Variants in CDH12 observed in about 807,000 individuals in gnomAD.
The protein encoded by CDH12 is cadherin 12.
In CDH12, 41 loss-of-function variants were observed where a neutral mutation model predicts 74.1. The observed-to-expected ratio is 0.55, with a 90% CI of 0.43 to 0.72. CDH12 has a LOEUF of 0.72. Among genes scored for constraint, CDH12 ranks in the 30% least tolerant of loss-of-function variants. The pLI is 0.00. For missense variants in CDH12, 945 were observed against 977.2 expected, an observed-to-expected ratio of 0.97 and a Z score of 0.44; for synonymous variants, 399 against 355.0, an observed-to-expected ratio of 1.12 and a Z score of -1.39.
chr5:22,308,657 C>T (rs1471969874), intron 3 of CDH12, among the ~76,000 whole-genome samples: 1 of 152,048 alleles, frequency 6.6e-6, no homozygotes, highest in Non-Finnish European at 1.5e-5. Context: ...AGAGATAATT[C>T]AGGATAATCT....
chr5:22,406,832 T>A (rs1466756379), intron 2 of CDH12, among the ~76,000 whole-genome samples: 1 of 152,064 alleles, frequency 6.6e-6, no homozygotes, highest in Non-Finnish European at 1.5e-5. Context: ...ACAATATGCA[T>A]CACAGTTGAA....
At chr5:21,918,485 A>G (rs1754202615) in intron 6 of CDH12, among the ~76,000 whole-genome samples, 1 of 152,120 alleles carries the variant, frequency 6.6e-6, no homozygotes, top group Non-Finnish European at 1.5e-5. Context: ...ATTGACTCAC[A>G]GTTCAGCACA....
At chr5:22,245,285 CA>C (rs1752907259) in intron 3 of CDH12, among the ~76,000 whole-genome samples, 1 of 151,858 alleles carries the variant, frequency 6.6e-6, no homozygotes, top group East Asian at 1.9e-4. Flanking sequence ...GAACATTTTT[CA>C]AATAAAAGAT....
chr5:22,232,112 A>G (rs1344447222), intron 3 of CDH12, among the ~76,000 whole-genome samples: 1 of 151,794 alleles, frequency 6.6e-6, no homozygotes, highest in Non-Finnish European at 1.5e-5. Flanking sequence ...CATTTCATAT[A>G]TAAGTTTCTA....
intron 1 of CDH12, among the ~76,000 whole-genome samples, chr5:22,786,402 T>C (rs1747627288): frequency 6.6e-6 from 1 of 152,154 alleles, no homozygotes; most frequent in East Asian, 1.9e-4. Flanking sequence ...CTTTGTGGGG[T>C]TGGCCCTTGG....
chr5:22,562,599 T>C (rs905088909), intron 1 of CDH12, among the ~76,000 whole-genome samples: 43 of 151,900 alleles, frequency 2.8e-4, no homozygotes, highest in African/African-American at 8.7e-4. Context: ...TTTTTTTTCT[T>C]ATGAAAATAA....
intron 5 of CDH12, among the ~76,000 whole-genome samples, chr5:21,980,253 T>A (rs1158387172): frequency 6.6e-6 from 1 of 151,966 alleles, no homozygotes; most frequent in Non-Finnish European, 1.5e-5. Context: ...CTGCTTAATA[T>A]AAAATATGCA....
chr5:22,063,863 A>G (rs1161647804), intron 5 of CDH12, among the ~76,000 whole-genome samples: 4 of 151,680 alleles, frequency 2.6e-5, no homozygotes, highest in Admixed American at 6.6e-5. Flanking sequence ...GGGGTTTGGA[A>G]CTCTCTCTGA....
At chr5:22,515,823 TA>T (rs1736786341) in intron 1 of CDH12, among the ~76,000 whole-genome samples, 1 of 152,068 alleles carries the variant, frequency 6.6e-6, no homozygotes, top group Non-Finnish European at 1.5e-5. Context: ...TATAGTAAAA[TA>T]TTTTTATCAA....
rs567376698 is a variant in CDH12, at chr5:22,132,717, A to G, written c.-186-53855T>C. ...AAAAGGTAGGGCCTAATCCAGGCAC[A>G]TTTATTTTTCCCCAAATACTTTCAA... On this transcript the variant is annotated intron_variant, in intron 4 of 14. Transcript: ENST00000382254. Among the ~76,000 whole-genome samples the G allele has an allele frequency of 5.3e-5, 8 of 152,242 alleles. No homozygotes were observed. In the South Asian group the frequency reaches 1.7e-3, roughly 32 times the overall value.
intron 4 of CDH12, among the ~76,000 whole-genome samples, chr5:22,097,680 G>T (rs1743870188): frequency 6.6e-6 from 1 of 151,844 alleles, no homozygotes; most frequent in East Asian, 1.9e-4. Flanking sequence ...TTTTCCCCCA[G>T]TTCAAAGCCT....
chr5:22,718,103 G>GA (rs1191832193), intron 1 of CDH12, among the ~76,000 whole-genome samples: 1 of 152,158 alleles, frequency 6.6e-6, no homozygotes, highest in Non-Finnish European at 1.5e-5. Context: ...CATTCATTGT[G>GA]AAAATTACTC....
chr5:22,763,170 T>C (rs973072045), intron 1 of CDH12, among the ~76,000 whole-genome samples: 4 of 151,938 alleles, frequency 2.6e-5, no homozygotes, highest in Non-Finnish European at 4.4e-5. Flanking sequence ...AATTTAAGTG[T>C]GTCTCAAAAA....
chr5:22,437,193 A>C (rs939568738), intron 2 of CDH12, among the ~76,000 whole-genome samples: 1 of 151,998 alleles, frequency 6.6e-6, no homozygotes, highest in Non-Finnish European at 1.5e-5. Context: ...GATTATATAA[A>C]AAATTTATTT....
At chr5:22,468,029 G>A (rs1250831178) in intron 2 of CDH12, among the ~76,000 whole-genome samples, 1 of 152,102 alleles carries the variant, frequency 6.6e-6, no homozygotes, top group African/African-American at 2.4e-5. Context: ...TAGTCTTCTG[G>A]ATACTTGCAG....
intron 3 of CDH12, among the ~76,000 whole-genome samples, chr5:22,300,908 C>T (rs184445640): frequency 5.9e-5 from 9 of 152,234 alleles, no homozygotes; most frequent in Middle Eastern, 3.4e-3. Context: ...AAGCTAAATA[C>T]GAATGCATTC....
intron 6 of CDH12, among the ~76,000 whole-genome samples, chr5:21,915,004 G>A (rs1754023386): frequency 6.6e-6 from 1 of 152,194 alleles, no homozygotes; most frequent in Admixed American, 6.6e-5. Context: ...GTGCCTTGCT[G>A]GGCTAGGATT....
At chr5:22,212,433 G>C (rs1282939646) in intron 4 of CDH12, 65 bp downstream of exon 4, 5 of 379,796 alleles carry the variant, frequency 1.3e-5, no homozygotes, top group Non-Finnish European at 1.8e-5. Flanking sequence ...TGTCAGTTTA[G>C]TCAGTTAGAA....
chr5:22,265,437 A>T (rs904960843), intron 3 of CDH12, among the ~76,000 whole-genome samples: 71 of 152,152 alleles, frequency 4.7e-4, no homozygotes, highest in African/African-American at 1.7e-3. Flanking sequence ...GGAATACTTA[A>T]CTACTAGGCT....
Sources: allele counts gnomAD v4.1 joint callset (sites outside exome capture counted in the v4.1 genomes callset), GRCh38; gene constraint gnomAD v4.1.1; transcripts MANE v1.5; gene names NCBI Gene and HGNC (gene_info 2026-07-23, HGNC 2026-07-21).